LARGE1: variants seen among roughly 807,000 people sequenced by gnomAD.
The protein encoded by LARGE1 is xylosyl- and glucuronyltransferase LARGE1.
LARGE1 carries 43 observed loss-of-function variants against 87.6 expected under a neutral mutation model. That is an observed-to-expected ratio of 0.49 (90% CI 0.38 to 0.63). LARGE1 has a LOEUF of 0.63. LARGE1 is among the 30% of genes least tolerant of loss of function. The probability of loss-of-function intolerance (pLI) is 0.00; values close to 1 mark genes in which losing one functional copy is unlikely to be tolerated. For synonymous variants in LARGE1, 434 were observed against 394.6 expected (o/e 1.10, Z -1.18); for missense variants, 802 against 1,000.2 (o/e 0.80, Z 2.67).
intron 4 of LARGE1, among the ~76,000 whole-genome samples, chr22:33,607,390 G>C (rs2079295427): frequency 6.7e-6 from 1 of 149,100 alleles, no homozygotes; most frequent in Admixed American, 6.7e-5. Context: ...GAACCTGGGA[G>C]GCAGAGGTTG....
At chr22:33,266,578 G>A (rs1927954996) in intron 11 of LARGE1, among the ~76,000 whole-genome samples, 1 of 151,622 alleles carries the variant, frequency 6.6e-6, no homozygotes, top group African/African-American at 2.4e-5. Context: ...TTAACATATG[G>A]AGAATACTAC....
At chr22:33,389,950 A>T (rs2065458702) in intron 7 of LARGE1, among the ~76,000 whole-genome samples, 1 of 152,194 alleles carries the variant, frequency 6.6e-6, no homozygotes, top group Non-Finnish European at 1.5e-5. Context: ...TCACAAGATC[A>T]AAGGCCTCCA....
chr22:33,487,239 T>A (rs905431286), intron 6 of LARGE1, among the ~76,000 whole-genome samples: 2 of 152,206 alleles, frequency 1.3e-5, no homozygotes, highest in East Asian at 3.9e-4. Context: ...AGACACTGAT[T>A]CAGGCAATCG....
At chr22:33,466,464 G>GT (rs1354006664) in intron 6 of LARGE1, among the ~76,000 whole-genome samples, 1 of 150,506 alleles carries the variant, frequency 6.6e-6, no homozygotes, top group South Asian at 2.1e-4. Flanking sequence ...TGGGAATATA[G>GT]TAAGTGCTCA....
downstream of LARGE1, among the ~76,000 whole-genome samples, chr22:33,268,079 G>A (rs939338407): frequency 5.3e-5 from 8 of 150,656 alleles, no homozygotes; most frequent in East Asian, 3.9e-4. Flanking sequence ...TCAGCCTCCC[G>A]AGTAGCTGGG....
At chr22:33,382,558 C>T (rs2065193589) in intron 8 of LARGE1, among the ~76,000 whole-genome samples, 1 of 152,098 alleles carries the variant, frequency 6.6e-6, no homozygotes, top group South Asian at 2.1e-4. Context: ...TTTCTGCAGC[C>T]CATGGTGCCC....
intron 11 of LARGE1, among the ~76,000 whole-genome samples, chr22:33,209,823 T>C (rs749199117): frequency 1.2e-4 from 18 of 152,146 alleles, no homozygotes; most frequent in Non-Finnish European, 2.5e-4. Context: ...TGTATTTTTA[T>C]TTTTCTGTAG....
At chr22:33,604,953 T>C (rs755737080) in intron 4 of LARGE1, among the ~76,000 whole-genome samples, 1 of 151,928 alleles carries the variant, frequency 6.6e-6, no homozygotes, top group Non-Finnish European at 1.5e-5. Flanking sequence ...GTAAGTTTTT[T>C]AGACTGGCTG....
chr22:33,319,044 T>C (rs1402941256), intron 10 of LARGE1, among the ~76,000 whole-genome samples: 1 of 152,194 alleles, frequency 6.6e-6, no homozygotes, highest in African/African-American at 2.4e-5. Context: ...TCAAGATGTG[T>C]GCTATGGAAG....
chr22:33,715,214 G>A (rs1199794824), intron 2 of LARGE1, among the ~76,000 whole-genome samples: 1 of 152,192 alleles, frequency 6.6e-6, no homozygotes, highest in African/African-American at 2.4e-5. Context: ...TACTGGCTAG[G>A]TCAGGCCTAC....
intron 11 of LARGE1, among the ~76,000 whole-genome samples, chr22:33,195,755 T>TC (rs1924035820): frequency 9.8e-6 from 1 of 102,454 alleles, no homozygotes; most frequent in Non-Finnish European, 2.0e-5. Context: ...TTTTCTTTTT[T>TC]CTTTTTTTTT....
At chr22:33,415,203 C>T (rs2066442324) in intron 7 of LARGE1, among the ~76,000 whole-genome samples, 1 of 152,196 alleles carries the variant, frequency 6.6e-6, no homozygotes, top group Non-Finnish European at 1.5e-5. Context: ...AGGCCCAGCT[C>T]AGGTGGAGGC....
chr22:33,907,223 T>C (rs146664130), intron 1 of LARGE1, among the ~76,000 whole-genome samples: 644 of 152,310 alleles, frequency 4.2e-3, no homozygotes, highest in Non-Finnish European at 6.7e-3. Flanking sequence ...AGCAAACCTA[T>C]TCATGCAGCA....
chr22:33,187,395 C>T (rs1316144529), intron 11 of LARGE1, among the ~76,000 whole-genome samples: 1 of 152,192 alleles, frequency 6.6e-6, no homozygotes, highest in Admixed American at 6.5e-5. Flanking sequence ...AATAGAAAGA[C>T]AAATACTGCA....
intron 11 of LARGE1, among the ~76,000 whole-genome samples, chr22:33,230,178 AT>A (rs1383500321): frequency 3.3e-5 from 5 of 151,576 alleles, no homozygotes; most frequent in African/African-American, 1.2e-4. Context: ...CGCCCAGCTA[AT>A]TTTTGTATTT....
exon 12 of LARGE1, chr22:33,165,022 G>A (rs1170939572): frequency 2.0e-5 from 3 of 152,146 alleles, no homozygotes; most frequent in African/African-American, 7.2e-5. Flanking sequence ...GAGGAAGGGA[G>A]GGTGGAAAAA....
intron 9 of LARGE1, among the ~76,000 whole-genome samples, chr22:33,365,658 AGGCTGGAGTGCAGT>A (rs1252789456): frequency 7.3e-6 from 1 of 136,936 alleles, no homozygotes; most frequent in Non-Finnish European, 1.5e-5. Context: ...TCTGTTGCCT[AGGCTGGAGTGCAGT>A]GGCACAATCT....
the LARGE1 span, among the ~76,000 whole-genome samples, chr22:33,149,904 A>G: frequency 6.6e-6 from 1 of 152,242 alleles, no homozygotes; most frequent in East Asian, 1.9e-4. Flanking sequence ...CTGAATTTCT[A>G]TTCTGCTCTG....
chr22:33,369,827 C>A (rs2146987289), intron 9 of LARGE1, among the ~76,000 whole-genome samples: 1 of 152,236 alleles, frequency 6.6e-6, no homozygotes, highest in Admixed American at 6.5e-5. Context: ...CCTTGGCCTC[C>A]CAAAGTGCTA....
Sources: gnomAD v4.1 joint callset for allele counts (sites outside exome capture counted in the v4.1 genomes callset) on GRCh38, gnomAD v4.1.1 for gene constraint, MANE v1.5 for transcripts, NCBI Gene and HGNC (gene_info 2026-07-23, HGNC 2026-07-21) for gene names.